Variants in DTWD2 observed in about 807,000 individuals in gnomAD.
DTWD2 encodes DTW motif tRNA-uridine aminocarboxypropyltransferase 2.
DTWD2 carries 39 observed loss-of-function variants against 31.8 expected under a neutral mutation model. The ratio of observed to expected loss-of-function variants is 1.22; its 90% CI spans 0.95 to 1.60. DTWD2 has a LOEUF of 1.60. Ranked by LOEUF, DTWD2 falls within the 40% of genes most tolerant of loss-of-function variation. DTWD2 has a pLI of 0.00. For missense variants in DTWD2, 515 were observed against 381.5 expected, an observed-to-expected ratio of 1.35 and a Z score of -2.92; for synonymous variants, 180 against 142.8, an observed-to-expected ratio of 1.26 and a Z score of -1.86.
At chr5:118,895,902 C>G (rs1753075117) in intron 4 of DTWD2, among the ~76,000 whole-genome samples, 1 of 152,178 alleles carries the variant, frequency 6.6e-6, no homozygotes, top group Non-Finnish European at 1.5e-5. Flanking sequence ...TAATAATACT[C>G]ATTCAAACCA....
intron 5 of DTWD2, among the ~76,000 whole-genome samples, chr5:118,845,289 T>C (rs1419045873): frequency 6.6e-6 from 1 of 152,206 alleles, no homozygotes; most frequent in Non-Finnish European, 1.5e-5. Context: ...TGGGAAAAAG[T>C]GTATGTCATC....
chr5:118,949,962 G>A (rs1754423556), intron 1 of DTWD2, among the ~76,000 whole-genome samples: 1 of 152,186 alleles, frequency 6.6e-6, no homozygotes, highest in South Asian at 2.1e-4. Context: ...TGTAATCCCA[G>A]CACTTTGGGA....
Position 118,839,491 on chromosome 5 carries a change from A to G in DTWD2, c.*1426T>C, listed in dbSNP as rs1474644724. 6.6e-6 allele frequency: 1 copy of G among 151,898 alleles called. No homozygotes were observed. Among genetic ancestry groups the G allele is most frequent in the Non-Finnish European group, 1.5e-5 (1 of 68,008 alleles). 9.4% of individuals were successfully genotyped at this position (151,898 alleles called of 1,614,324 possible). ...CACCTTAGCCTCCCAAGTAGCTAGG[A>G]CTACAAGTGCACACCACCACATCTG... On this transcript the variant is annotated 3_prime_UTR_variant, in exon 6 of 6. Transcript: ENST00000510708.
At chr5:118,946,247 G>A (rs1054488367) in intron 1 of DTWD2, among the ~76,000 whole-genome samples, 1 of 152,162 alleles carries the variant, frequency 6.6e-6, no homozygotes, top group Non-Finnish European at 1.5e-5. Flanking sequence ...AGTGACTTCT[G>A]AGATGATTTC....
At chr5:118,848,837 A>C (rs1489608085) in intron 4 of DTWD2, among the ~76,000 whole-genome samples, 2 of 152,230 alleles carry the variant, frequency 1.3e-5, no homozygotes, top group Non-Finnish European at 2.9e-5. Context: ...AGAAAACTGA[A>C]ACTGGACCCC....
chr5:118,973,080 T>C (rs299195), intron 1 of DTWD2, among the ~76,000 whole-genome samples: 63,126 of 126,024 alleles, frequency 0.5, 15,097 homozygotes, highest in East Asian at 0.89. Context: ...TGCAACCCCC[T>C]TTTTTTTTTT....
Position 118,902,213 on chromosome 5 carries a change from T to C in DTWD2, c.597+26324A>G, listed in dbSNP as rs1158505604. Among the ~76,000 whole-genome samples the C allele has an allele frequency of 2.0e-5, 3 of 152,102 alleles. No homozygotes were observed. In the South Asian group the frequency reaches 6.2e-4, roughly 32 times the overall value. On this transcript the variant is annotated intron_variant, in intron 4 of 5. Transcript: ENST00000510708. ...AAAGCTACAAATGTGCTACTTGAAA[T>C]ATCAATTATCAAATGTTCAAAGCCA... is the stretch of plus-strand genomic sequence containing the variant.
At chr5:118,963,208 G>A (rs1411397056) in intron 1 of DTWD2, among the ~76,000 whole-genome samples, 3 of 152,246 alleles carry the variant, frequency 2.0e-5, no homozygotes, top group African/African-American at 7.2e-5. Flanking sequence ...AAGACAAAGT[G>A]AGGAGTTAGA....
intron 1 of DTWD2, among the ~76,000 whole-genome samples, chr5:118,950,498 G>A (rs555782418): frequency 3.3e-5 from 5 of 152,280 alleles, no homozygotes; most frequent in Admixed American, 6.5e-5. Context: ...CGAGAAGATC[G>A]GGGAAGGAGT....
At chr5:118,860,729 A>G (rs1479134899) in intron 4 of DTWD2, among the ~76,000 whole-genome samples, 1 of 152,178 alleles carries the variant, frequency 6.6e-6, no homozygotes, top group Non-Finnish European at 1.5e-5. Context: ...ATCTCAGTAT[A>G]ATTTTAATAT....
intron 4 of DTWD2, among the ~76,000 whole-genome samples, chr5:118,867,905 T>TA (rs1321398088): frequency 1.3e-5 from 2 of 151,940 alleles, no homozygotes; most frequent in African/African-American, 2.4e-5. Context: ...TTTGCAGAAG[T>TA]AAAAAACAAA....
chr5:118,915,473 C>T (rs1305976533), intron 4 of DTWD2, among the ~76,000 whole-genome samples: 1 of 151,280 alleles, frequency 6.6e-6, no homozygotes, highest in East Asian at 2.0e-4. Flanking sequence ...CTCCCAGGTT[C>T]ACGCCATTCT....
At chr5:118,904,013 C>T (rs908483275) in intron 4 of DTWD2, among the ~76,000 whole-genome samples, 2 of 151,952 alleles carry the variant, frequency 1.3e-5, no homozygotes, top group Non-Finnish European at 1.5e-5. Flanking sequence ...TTAATGTACA[C>T]TATAGTGTCT....
Position 118,944,589 on chromosome 5 carries a change from G to C in DTWD2, c.279C>G (p.Thr93=), listed in dbSNP as rs368362806. The change falls in exon 2 of 6, where the codon ACC becomes ACG. Residue 93 remains threonine, a synonymous_variant. Transcript: ENST00000510708. ...FLPAHPLHIS[T]HLYIIQHPAE... ...CTGGATGCTGAATTATGTACAAGTG[G>C]GTAGAGATATGCAGAGGGTGCGCTG... 6.2e-7 allele frequency: 1 copy of C among 1,613,322 alleles called. No homozygotes were observed. Among genetic ancestry groups the C allele is most frequent in the African/African-American group, 1.3e-5 (1 of 74,840 alleles).
chr5:118,870,010 C>T (rs1185938784), intron 4 of DTWD2, among the ~76,000 whole-genome samples: 1 of 152,164 alleles, frequency 6.6e-6, no homozygotes, highest in East Asian at 1.9e-4. Flanking sequence ...CCTCCTCTCC[C>T]TCTTGCTCCC....
intron 1 of DTWD2, among the ~76,000 whole-genome samples, chr5:118,964,217 C>G (rs1004947336): frequency 1.2e-5 from 1 of 84,766 alleles, no homozygotes; most frequent in African/African-American, 4.2e-5. Flanking sequence ...GACTCCATCT[C>G]AAAAAAAAAA....
intron 4 of DTWD2, among the ~76,000 whole-genome samples, chr5:118,910,665 T>C (rs1324780838): frequency 6.6e-6 from 1 of 152,226 alleles, no homozygotes; most frequent in Non-Finnish European, 1.5e-5. Flanking sequence ...CATTTTTAGT[T>C]ATTTGTTACA....
chr5:118,843,911 T>C (rs896729534), intron 5 of DTWD2, among the ~76,000 whole-genome samples: 8 of 152,222 alleles, frequency 5.3e-5, no homozygotes, highest in Non-Finnish European at 1.0e-4. Flanking sequence ...TAACTTGCTT[T>C]GGTTAATGAA....
At chr5:118,849,371 A>C (rs1751944807) in intron 4 of DTWD2, among the ~76,000 whole-genome samples, 1 of 152,188 alleles carries the variant, frequency 6.6e-6, no homozygotes, top group African/African-American at 2.4e-5. Flanking sequence ...AAAAGTCAGG[A>C]AACAATATAT....
Sources: allele counts gnomAD v4.1 joint callset (sites outside exome capture counted in the v4.1 genomes callset), GRCh38; gene constraint gnomAD v4.1.1; transcripts MANE v1.5; gene names NCBI Gene and HGNC (gene_info 2026-07-23, HGNC 2026-07-21).